Variants in VPS13A observed in about 807,000 individuals in gnomAD.
The protein encoded by VPS13A is vacuolar protein sorting 13 homolog A, also known as intermembrane lipid transfer protein VPS13A.
Under a neutral mutation model 390.9 loss-of-function variants are expected in VPS13A, and 264 were observed. The observed-to-expected ratio is 0.68, with a 90% confidence interval of 0.61 to 0.75. The LOEUF is 0.75. Ranked by LOEUF, VPS13A falls within the 30% of genes least tolerant of loss-of-function variation. The pLI, the probability that VPS13A is intolerant of heterozygous loss-of-function variation, is 0.00. For missense variants in VPS13A, 3,409 were observed against 3,733.9 expected, an observed-to-expected ratio of 0.91 and a Z score of 2.27; for synonymous variants, 1,231 against 1,227.1, an observed-to-expected ratio of 1.00 and a Z score of -0.07.
Position 77,205,299 on chromosome 9 carries a change from C to A in VPS13A, c.188-14C>A. On this transcript the variant is annotated splice_polypyrimidine_tract_variant and intron_variant, in intron 3 of 71. Coordinates refer to ENST00000360280, the MANE Select transcript of VPS13A (RefSeq NM_033305.3). ...ATATTTTTTGTCCTTTTTTTTTTTC[C>A]CAAAAAAATGTAGGTAATCTTAAAC... The A allele has an allele frequency of 7.1e-7, 1 of 1,400,200 alleles. No homozygotes were observed. The highest frequency in any genetic ancestry group is 9.7e-7 in the Non-Finnish European group (1 of 1,029,154). The allele number at this position is 1,400,200 out of a possible 1,614,324, so 86.7% of individuals were successfully genotyped here.
intron 19 of VPS13A, among the ~76,000 whole-genome samples, chr9:77,240,793 A>C (rs2131240655): frequency 6.6e-6 from 1 of 152,076 alleles, no homozygotes; most frequent in South Asian, 2.1e-4. Flanking sequence ...TTGACATGAT[A>C]CTACTGTATG....
intron 19 of VPS13A, among the ~76,000 whole-genome samples, chr9:77,239,995 A>T (rs960398394): frequency 4.3e-5 from 5 of 117,448 alleles, no homozygotes; most frequent in Non-Finnish European, 7.5e-5. Flanking sequence ...CCCATATACT[A>T]TTTTTTTTAC....
At chr9:77,401,329 TTGTGTGTGTG>T (rs4012461) in intron 68 of VPS13A, among the ~76,000 whole-genome samples, 3,233 of 140,484 alleles carry the variant, frequency 0.023, 99 homozygotes, top group African/African-American at 0.075. Context: ...TCACATGAAG[TTGTGTGTGTG>T]TGTGTGTGTG....
chr9:77,408,922 C>T lies in VPS13A; in HGVS notation c.9474+1315C>T, dbSNP rs537706312. ...GAATCCTCTGCAGACTTAAATGTCC[C>T]TGTCTGACAGCCTTGAAGAGAGTAG... On this transcript the variant is annotated intron_variant, in intron 71 of 71. Coordinates refer to ENST00000360280, the MANE Select transcript of VPS13A (RefSeq NM_033305.3). Among the ~76,000 whole-genome samples, 284 of 152,330 alleles carry T rather than the reference C, an allele frequency of 1.9e-3. 1 individual carries two copies. Among genetic ancestry groups the T allele is most frequent in the African/African-American group, 6.3e-3 (262 of 41,576 alleles).
intron 44 of VPS13A, 132 bp from the exon 45 acceptor site, chr9:77,322,935 C>T (rs544496141): frequency 5.7e-6 from 4 of 703,594 alleles, no homozygotes; most frequent in Non-Finnish European, 9.1e-6. Flanking sequence ...CTTTTATGGA[C>T]TATATCCAAA....
chr9:77,415,155 T>C (rs1835123062), intron 71 of VPS13A, among the ~76,000 whole-genome samples: 1 of 152,222 alleles, frequency 6.6e-6, no homozygotes, highest in Non-Finnish European at 1.5e-5. Context: ...TTCTTTCATG[T>C]CACTGAAGGA....
chr9:77,321,442 A>G (rs1829741890), intron 43 of VPS13A, 49 bp from the exon 44 acceptor site: 1 of 1,607,398 alleles, frequency 6.2e-7, no homozygotes, highest in Non-Finnish European at 8.5e-7. Flanking sequence ...TCTCCTTGTC[A>G]TTTAATTTTA....
At chr9:77,345,642 T>A (rs1286974838) in intron 52 of VPS13A, among the ~76,000 whole-genome samples, 1 of 152,214 alleles carries the variant, frequency 6.6e-6, no homozygotes, top group Non-Finnish European at 1.5e-5. Flanking sequence ...ATCTTCTTAG[T>A]GCCACTACAG....
At chr9:77,257,054 AC>A (rs1220031970) in intron 22 of VPS13A, among the ~76,000 whole-genome samples, 1 of 152,062 alleles carries the variant, frequency 6.6e-6, no homozygotes. Context: ...TGTATGTCTT[AC>A]AGCTTTTTTG....
intron 68 of VPS13A, among the ~76,000 whole-genome samples, chr9:77,387,318 A>C (rs1833730079): frequency 6.6e-6 from 1 of 152,200 alleles, no homozygotes; most frequent in Non-Finnish European, 1.5e-5. Flanking sequence ...AGAACTTTTA[A>C]AATGGTAGTA....
At chr9:77,193,713 T>G (rs1412317840) in intron 1 of VPS13A, among the ~76,000 whole-genome samples, 2 of 152,178 alleles carry the variant, frequency 1.3e-5, no homozygotes, top group Admixed American at 1.3e-4. Flanking sequence ...CACTCAGGCT[T>G]ATAGAGTTGC....
chr9:77,238,156 A>G lies in VPS13A; in HGVS notation c.1750A>G (p.Ile584Val), dbSNP rs144871320. ...LDETVSQRCI[I>V]EAEPLEIIYD... is the part of the protein sequence containing the mutation. ...TGAAACTGTTTCTCAGAGGTGTATCATAGAAGCTGAACCTTTAGAAATCAT... is the reference window on the plus strand; with the variant it reads ...TGAAACTGTTTCTCAGAGGTGTATCGTAGAAGCTGAACCTTTAGAAATCAT... The change falls in exon 18 of 72, where the codon ATA becomes GTA. Residue 584 changes from isoleucine (I) to valine (V), a missense_variant. Transcript: ENST00000360280. 8.6e-5 allele frequency: 138 copies of G among 1,613,786 alleles called. No homozygotes were observed. In the Admixed American group the frequency reaches 9.7e-4, roughly 11 times the overall value.
At position 77,420,862 on chromosome 9, in the gene VPS13A, A is replaced by C. The variant is rs1835318504; in HGVS notation, c.*4856A>C. ...ACCTCCGGTGTTCAGTTTGTTACTC[A>C]AAAGTTCCCAGTTCTTAGGCTGAAA... On this transcript the variant is annotated 3_prime_UTR_variant, in exon 72 of 72. Transcript: ENST00000360280. The C allele has an allele frequency of 6.6e-6, 1 of 152,192 alleles. No individual in the cohort carries two copies. The highest frequency in any genetic ancestry group is 1.5e-5 in the Non-Finnish European group (1 of 68,022). 9.4% of individuals were successfully genotyped at this position (152,192 alleles called of 1,614,324 possible).
In VPS13A at chr9:77,275,632, A is replaced by C; in HGVS notation, c.2647A>C (p.Ile883Leu). 6.2e-7 allele frequency: 1 copy of C among 1,613,578 alleles called. No individual in the cohort carries two copies. The highest frequency in any genetic ancestry group is 2.2e-5 in the East Asian group (1 of 44,782). Residue 883 changes from isoleucine (I) to leucine (L), a missense_variant, in exon 25 of 72, where the codon ATA (isoleucine) becomes CTA (leucine). Physicochemically the swap from Ile to Leu is conservative, Grantham distance 5. This residue lies in a region of VPS13A where 2,717 missense variants were observed against 2,917.4 expected (regional missense o/e 0.93). Transcript: ENST00000360280. The stretch of plus-strand genomic sequence containing the variant: ...TTCAGTAAATATGACTACATTTAAA[A>C]TAAGATTTGAAGTACCAAAGGTAGG... ...DCSVNMTTFK[I>L]RFEVPKVLIE...
rs1194228950 is a variant in VPS13A at position 77,417,234 on chromosome 9, T to TG, written c.*1229dup. 6.6e-6 allele frequency: 1 copy of TG among 152,222 alleles called. No homozygotes were observed. Among genetic ancestry groups the TG allele is most frequent in the Non-Finnish European group, 1.5e-5 (1 of 68,032 alleles). The allele number at this position is 152,222 out of a possible 1,614,324, so 9.4% of individuals were successfully genotyped here. A position where few individuals can be genotyped will look rare whatever the true frequency, so the allele number is the denominator to read the frequency against. On this transcript the variant is annotated 3_prime_UTR_variant, in exon 72 of 72. Coordinates refer to ENST00000360280, the MANE Select transcript of VPS13A (RefSeq NM_033305.3). ...TACAGAGTATTCAATGCATGTTGTA[T>TG]GTGCCACCAAGTTACTATTAACTGT...
intron 54 of VPS13A, among the ~76,000 whole-genome samples, chr9:77,356,293 C>T (rs1831774658): frequency 6.6e-6 from 1 of 152,172 alleles, no homozygotes. Context: ...CTCACTTTCT[C>T]AATGAATCCC....
At position 77,177,565 on chromosome 9, in the gene VPS13A, G is replaced by C; in HGVS notation, c.-140G>C. The stretch of plus-strand genomic sequence containing the variant: ...GTCTCTCGCTGGGCTCGCTAGGGCT[G>C]CGCGTTGGGCCAGCGGGGGCGCCGC... On this transcript the variant is annotated 5_prime_UTR_variant, in exon 1 of 72. Coordinates refer to ENST00000360280, the MANE Select transcript of VPS13A (RefSeq NM_033305.3). 1.3e-6 allele frequency: 1 copy of C among 747,856 alleles called. No individual in the cohort carries two copies. The highest frequency in any genetic ancestry group is 2.3e-6 in the Non-Finnish European group (1 of 434,738). The allele number at this position is 747,856 out of a possible 1,614,324, so 46.3% of individuals were successfully genotyped here.
At chr9:77,253,656 T>A (rs985513707) in intron 22 of VPS13A, among the ~76,000 whole-genome samples, 1 of 152,154 alleles carries the variant, frequency 6.6e-6, no homozygotes, top group African/African-American at 2.4e-5. Flanking sequence ...TTATCAGATA[T>A]ATGATTTGCA....
At chr9:77,384,493 T>G in intron 68 of VPS13A, 1 of 1,563,324 alleles carries the variant, frequency 6.4e-7, no homozygotes, top group South Asian at 1.1e-5. Context: ...TTATTCTCAC[T>G]CTTTGAACAT....
Sources: gnomAD v4.1 joint callset for allele counts (sites outside exome capture counted in the v4.1 genomes callset) on GRCh38, gnomAD v4.1.1 for gene constraint, gnomAD v4.1.1 regional missense constraint, MANE v1.5 for transcripts, NCBI Gene and HGNC (gene_info 2026-07-23, HGNC 2026-07-21) for gene names.